Variants in CCDC91 observed in about 807,000 individuals in gnomAD.
The protein encoded by CCDC91 is coiled-coil domain containing 91.
Under a neutral mutation model 63.2 loss-of-function variants are expected in CCDC91, and 48 were observed. That is an observed-to-expected ratio of 0.76 (90% CI 0.60 to 0.97). The LOEUF (loss-of-function observed/expected upper bound fraction) is 0.97. Ranked by LOEUF, CCDC91 falls within the 50% of genes least tolerant of loss-of-function variation. CCDC91 has a pLI of 0.00. For synonymous variants in CCDC91, 167 were observed against 165.8 expected (o/e 1.01, Z -0.06); for missense variants, 500 against 494.6 (o/e 1.01, Z -0.10).
chr12:28,299,416 G>A lies in CCDC91; in HGVS notation c.110-6233G>A, dbSNP rs1216485220. On this transcript the variant is annotated intron_variant, in intron 3 of 12. Coordinates refer to ENST00000536442, the MANE Select transcript of CCDC91 (RefSeq NM_018318.5). ...AATACTATGTCCCAAAGTAACTTGG[G>A]TTAGTTCTTACCCCTCCCTCTCTCA... 4.0e-5 allele frequency among the ~76,000 whole-genome samples: 6 copies of A among 151,506 alleles called. No homozygotes were observed. In the East Asian group the frequency reaches 5.8e-4, roughly 15 times the overall value.
chr12:28,431,144 A>G (rs1369739300), intron 8 of CCDC91, among the ~76,000 whole-genome samples: 1 of 152,176 alleles, frequency 6.6e-6, no homozygotes, highest in Non-Finnish European at 1.5e-5. Flanking sequence ...AAATGTGATA[A>G]TGTCCTACTA....
chr12:28,447,795 G>GGGGAGGGGAGGGGAGGGGAA (rs1949590957), intron 8 of CCDC91, among the ~76,000 whole-genome samples: 1 of 28,748 alleles, frequency 3.5e-5, no homozygotes, highest in African/African-American at 1.2e-4. Flanking sequence ...GGGGAGGGGA[G>GGGGAGGGGAGGGGAGGGGAA]GGGAGGGGAG....
rs144694145 is a variant in CCDC91, at chr12:28,447,883, A to G, written c.763-2278A>G. Reference sequence around the variant, plus strand: ...AGGGGAAATTTTCCCCTTGCCATTAAGTATCTTTCTGAATCATTTGTCCTA... The same window carrying G: ...AGGGGAAATTTTCCCCTTGCCATTAGGTATCTTTCTGAATCATTTGTCCTA... On this transcript the variant is annotated intron_variant, in intron 8 of 12. Coordinates refer to ENST00000536442, the MANE Select transcript of CCDC91 (RefSeq NM_018318.5). Among the ~76,000 whole-genome samples the G allele has an allele frequency of 4.0e-3, 587 of 145,904 alleles. 7 individuals are homozygous for G. The highest frequency in any genetic ancestry group is 0.012 in the African/African-American group (487 of 39,338).
chr12:28,215,321 G>A (rs1375657927), intron 1 of CCDC91, among the ~76,000 whole-genome samples: 2 of 152,108 alleles, frequency 1.3e-5, no homozygotes, highest in Non-Finnish European at 2.9e-5. Context: ...AATCTTGTGA[G>A]CCAATTTCTG....
At chr12:28,429,213 T>G (rs1948497688) in intron 8 of CCDC91, among the ~76,000 whole-genome samples, 1 of 152,136 alleles carries the variant, frequency 6.6e-6, no homozygotes, top group South Asian at 2.1e-4. Context: ...TTGTGCACAA[T>G]TTTTAGGTGA....
intron 1 of CCDC91, among the ~76,000 whole-genome samples, chr12:28,233,495 A>T (rs1032664418): frequency 2.6e-5 from 4 of 152,200 alleles, no homozygotes; most frequent in African/African-American, 9.6e-5. Flanking sequence ...TATTTAATTC[A>T]GAGATTAAAG....
intron 8 of CCDC91, among the ~76,000 whole-genome samples, chr12:28,415,115 C>T (rs1947559156): frequency 6.6e-6 from 1 of 151,986 alleles, no homozygotes. Context: ...ATTTTGTTTT[C>T]TAGAGTGCTT....
chr12:28,241,795 A>C (rs1296890883), intron 1 of CCDC91, among the ~76,000 whole-genome samples: 1 of 152,060 alleles, frequency 6.6e-6, no homozygotes, highest in Non-Finnish European at 1.5e-5. Context: ...CAGGAGTTCA[A>C]AATCAGCCTG....
chr12:28,322,509 T>G (rs933871952), intron 6 of CCDC91, among the ~76,000 whole-genome samples: 1 of 151,864 alleles, frequency 6.6e-6, no homozygotes. Flanking sequence ...CTCCCATTTT[T>G]TTGTAGTTTC....
At chr12:28,266,142 A>G (rs1947169465) in intron 3 of CCDC91, among the ~76,000 whole-genome samples, 1 of 152,008 alleles carries the variant, frequency 6.6e-6, no homozygotes, top group East Asian at 1.9e-4. Flanking sequence ...TATAAATACT[A>G]GTCTTGATGT....
intron 7 of CCDC91, among the ~76,000 whole-genome samples, chr12:28,363,686 G>A (rs2138610437): frequency 6.6e-6 from 1 of 151,720 alleles, no homozygotes; most frequent in African/African-American, 2.4e-5. Context: ...GACCATCCTG[G>A]CTAACACGGT....
At chr12:28,202,729 A>G (rs927067850) in intron 1 of CCDC91, among the ~76,000 whole-genome samples, 7 of 152,182 alleles carry the variant, frequency 4.6e-5, no homozygotes, top group East Asian at 1.9e-4. Flanking sequence ...CACCTTTTCA[A>G]TTCTTTACTG....
At chr12:28,296,287 T>A (rs1487013028) in intron 3 of CCDC91, among the ~76,000 whole-genome samples, 1 of 151,812 alleles carries the variant, frequency 6.6e-6, no homozygotes, top group Non-Finnish European at 1.5e-5. Context: ...TGGTAACAGT[T>A]TTTTTTGTCA....
chr12:28,216,614 T>C (rs965834039), intron 1 of CCDC91, among the ~76,000 whole-genome samples: 2 of 152,010 alleles, frequency 1.3e-5, no homozygotes, highest in African/African-American at 4.8e-5. Flanking sequence ...TGTGAGTGTG[T>C]ATAAACTGTA....
chr12:28,473,505 A>G (rs1362353429), intron 11 of CCDC91, among the ~76,000 whole-genome samples: 1 of 152,146 alleles, frequency 6.6e-6, no homozygotes, highest in Non-Finnish European at 1.5e-5. Flanking sequence ...CATTCCACAC[A>G]TATTTTTACT....
chr12:28,545,693 A>C (rs1942940163), intron 12 of CCDC91, among the ~76,000 whole-genome samples: 1 of 152,128 alleles, frequency 6.6e-6, no homozygotes, highest in Non-Finnish European at 1.5e-5. Flanking sequence ...CTACCATCTT[A>C]TAGTCAGTAA....
intron 6 of CCDC91, among the ~76,000 whole-genome samples, chr12:28,312,103 C>A (rs913249484): frequency 7.9e-5 from 12 of 151,436 alleles, no homozygotes; most frequent in African/African-American, 2.9e-4. Flanking sequence ...TAGAAAGCAA[C>A]CTTTTAAATT....
At chr12:28,478,377 A>T (rs1951239344) in intron 11 of CCDC91, among the ~76,000 whole-genome samples, 1 of 152,228 alleles carries the variant, frequency 6.6e-6, no homozygotes, top group African/African-American at 2.4e-5. Flanking sequence ...TTCCCAGTTT[A>T]ACAAGTGGTG....
chr12:28,383,858 A>C (rs202045650), intron 7 of CCDC91, among the ~76,000 whole-genome samples: 5 of 152,254 alleles, frequency 3.3e-5, no homozygotes, highest in Non-Finnish European at 7.4e-5. Context: ...CTCAGAGATT[A>C]TTGGTTCACT....
Sources: gnomAD v4.1 joint callset for allele counts (sites outside exome capture counted in the v4.1 genomes callset) on GRCh38, gnomAD v4.1.1 for gene constraint, MANE v1.5 for transcripts, NCBI Gene and HGNC (gene_info 2026-07-23, HGNC 2026-07-21) for gene names.